CACNB2: variants seen among roughly 807,000 people sequenced by gnomAD.
CACNB2 encodes voltage-dependent L-type calcium channel subunit beta-2.
A neutral mutation model predicts 73.3 loss-of-function variants in CACNB2; 42 were observed. The observed-to-expected ratio is 0.57, with a 90% CI of 0.45 to 0.74. The LOEUF is 0.74. Ranked by LOEUF, CACNB2 falls within the 30% of genes least tolerant of loss-of-function variation. The pLI, the probability that CACNB2 is intolerant of heterozygous loss-of-function variation, is 0.00. For synonymous variants in CACNB2, 348 were observed against 310.3 expected (o/e 1.12, Z -1.28); for missense variants, 940 against 853.0 (o/e 1.10, Z -1.27).
At chr10:18,454,293 T>C (rs2047159796) in intron 3 of CACNB2, among the ~76,000 whole-genome samples, 1 of 152,252 alleles carries the variant, frequency 6.6e-6, no homozygotes, top group Admixed American at 6.5e-5. Flanking sequence ...ACCTATATTG[T>C]GTTACTGTAT....
intron 2 of CACNB2, among the ~76,000 whole-genome samples, chr10:18,273,207 A>T (rs944747595): frequency 6.6e-6 from 1 of 152,018 alleles, no homozygotes; most frequent in Non-Finnish European, 1.5e-5. Flanking sequence ...CAAGTGTCTC[A>T]AGGTTCAAGT....
At position 18,344,116 on chromosome 10, in the gene CACNB2, G is replaced by A. The variant is rs185580665; in HGVS notation, c.214-57808G>A. On this transcript the variant is annotated intron_variant, in intron 2 of 13. Coordinates refer to ENST00000324631, the MANE Select transcript of CACNB2 (RefSeq NM_201596.3). The stretch of plus-strand genomic sequence containing the variant: ...AGCATGTGACTGTGTATTCCTGTAT[G>A]TTATAAGACAAATAATGATCTAAGG... Among the ~76,000 whole-genome samples, 6 of 149,894 alleles carry A rather than the reference G, an allele frequency of 4.0e-5. 1 individual carries two copies. The East Asian group carries it at 9.8e-4, about 25-fold the overall frequency.
intron 2 of CACNB2, among the ~76,000 whole-genome samples, chr10:18,352,009 G>A (rs926743433): frequency 1.3e-5 from 2 of 152,182 alleles, no homozygotes; most frequent in Non-Finnish European, 2.9e-5. Context: ...TAAAAAGGAT[G>A]TTTGACCTGT....
At chr10:18,296,343 T>C (rs542612783) in intron 2 of CACNB2, among the ~76,000 whole-genome samples, 2 of 152,296 alleles carry the variant, frequency 1.3e-5, no homozygotes, top group Admixed American at 1.3e-4. Flanking sequence ...TTTAATTTTT[T>C]CAACTTTACT....
intron 3 of CACNB2, among the ~76,000 whole-genome samples, chr10:18,485,097 A>C (rs141032217): frequency 5.8e-4 from 88 of 152,218 alleles, no homozygotes; most frequent in African/African-American, 1.9e-3. Context: ...GGGCGAGATC[A>C]CACCATTGCA....
intron 2 of CACNB2, among the ~76,000 whole-genome samples, chr10:18,249,204 ATCT>A (rs1175999290): frequency 3.3e-5 from 5 of 152,026 alleles, no homozygotes; most frequent in East Asian, 1.9e-4. Flanking sequence ...TGGTACCCAA[ATCT>A]TCTGCTTCCT....
intron 2 of CACNB2, among the ~76,000 whole-genome samples, chr10:18,354,273 T>G (rs113632519): frequency 6.6e-6 from 1 of 152,196 alleles, no homozygotes; most frequent in Admixed American, 6.5e-5. Flanking sequence ...CTCCTTTTTT[T>G]CCTCCTGACT....
intron 2 of CACNB2, among the ~76,000 whole-genome samples, chr10:18,378,428 G>T (rs373547432): frequency 1.3e-5 from 2 of 152,004 alleles, no homozygotes; most frequent in African/African-American, 4.8e-5. Context: ...AAATATGTAC[G>T]TCAATTAATC....
chr10:18,178,793 G>T (rs911638524), intron 2 of CACNB2, among the ~76,000 whole-genome samples: 2 of 152,202 alleles, frequency 1.3e-5, no homozygotes, highest in African/African-American at 4.8e-5. Context: ...CAGGAGAGCT[G>T]CCATTAGCAA....
chr10:18,417,184 T>C (rs116717835), intron 3 of CACNB2, among the ~76,000 whole-genome samples: 2,102 of 90,220 alleles, frequency 0.023, 60 homozygotes, highest in African/African-American at 0.093. Flanking sequence ...TTTAAAAGTA[T>C]AAACATCTTC....
chr10:18,517,637 C>T (rs1401565872), intron 7 of CACNB2, among the ~76,000 whole-genome samples: 1 of 152,168 alleles, frequency 6.6e-6, no homozygotes, highest in Non-Finnish European at 1.5e-5. Context: ...CTCGAAGACA[C>T]ATAAACCTTA....
At chr10:18,370,592 A>C (rs942275064) in intron 2 of CACNB2, among the ~76,000 whole-genome samples, 8 of 152,122 alleles carry the variant, frequency 5.3e-5, no homozygotes, top group Admixed American at 3.3e-4. Flanking sequence ...GAGCCATTGC[A>C]CCTGGCCAGA....
Position 18,140,846 on chromosome 10 carries a change from C to A in CACNB2, c.110C>A (p.Ala37Asp), listed in dbSNP as rs967518861. 1.0e-5 allele frequency: 16 copies of A among 1,601,574 alleles called. No homozygotes were observed. Among genetic ancestry groups the A allele is most frequent in the Middle Eastern group, 1.8e-4 (1 of 5,714 alleles). Residue 37 changes from alanine to aspartate, a missense_variant, in exon 1 of 14, where the codon GCC (alanine) becomes GAC (aspartate). Coordinates refer to ENST00000324631, the MANE Select transcript of CACNB2 (RefSeq NM_201596.3). Reference sequence around the variant, plus strand: ...GTGGCTCCCGCGGGGGCGCTCGGAGCCGCCGCACAGGTAGCGAGAGCGCGG... The same window carrying A: ...GTGGCTCCCGCGGGGGCGCTCGGAGACGCCGCACAGGTAGCGAGAGCGCGG... ...ENVAPAGALG[A>D]AAQSYGKGAR... is the part of the protein sequence containing the mutation.
intron 2 of CACNB2, among the ~76,000 whole-genome samples, chr10:18,155,119 A>G (rs1311577732): frequency 6.6e-6 from 1 of 152,188 alleles, no homozygotes; most frequent in Non-Finnish European, 1.5e-5. Flanking sequence ...GTGAGTTGTC[A>G]TAAGGTCAAC....
intron 2 of CACNB2, among the ~76,000 whole-genome samples, chr10:18,323,790 T>C (rs2040481877): frequency 6.6e-6 from 1 of 152,232 alleles, no homozygotes; most frequent in Non-Finnish European, 1.5e-5. Flanking sequence ...CTTTATGTTG[T>C]TAATAGATTT....
At chr10:18,191,637 T>C (rs962110166) in intron 2 of CACNB2, among the ~76,000 whole-genome samples, 1 of 152,232 alleles carries the variant, frequency 6.6e-6, no homozygotes, top group Non-Finnish European at 1.5e-5. Flanking sequence ...AGCATTCTTA[T>C]GCCTTTTTGT....
intron 4 of CACNB2, among the ~76,000 whole-genome samples, chr10:18,500,132 T>C (rs2050114034): frequency 6.6e-6 from 1 of 152,202 alleles, no homozygotes; most frequent in Admixed American, 6.5e-5. Flanking sequence ...AGGTCTCTTC[T>C]TGATGATTGA....
chr10:18,188,486 A>G (rs75452202), intron 2 of CACNB2, among the ~76,000 whole-genome samples: 3,017 of 152,112 alleles, frequency 0.02, 95 homozygotes, highest in African/African-American at 0.069. Flanking sequence ...CTATTTTTTT[A>G]TAGAGACAGG....
intron 3 of CACNB2, among the ~76,000 whole-genome samples, chr10:18,472,609 C>T (rs1263029015): frequency 6.6e-6 from 1 of 152,148 alleles, no homozygotes; most frequent in Non-Finnish European, 1.5e-5. Flanking sequence ...CCTGTTAACC[C>T]ATACAATGGA....
Sources: allele counts gnomAD v4.1 joint callset (sites outside exome capture counted in the v4.1 genomes callset), GRCh38; gene constraint gnomAD v4.1.1; transcripts MANE v1.5; gene names NCBI Gene and HGNC (gene_info 2026-07-23, HGNC 2026-07-21).